Variants in VEGFC observed in about 807,000 individuals in gnomAD.
VEGFC encodes FLT4 ligand DHM.
A neutral mutation model predicts 46.1 loss-of-function variants in VEGFC; 12 were observed. That is an observed-to-expected ratio of 0.26 (90% CI 0.17 to 0.42). The LOEUF (loss-of-function observed/expected upper bound fraction) is 0.42. Among genes scored for constraint, VEGFC ranks in the 10% least tolerant of loss-of-function variants. VEGFC has a pLI of 1.00. For missense variants in VEGFC, 488 were observed against 529.4 expected (o/e 0.92, Z 0.77); for synonymous variants, 232 against 195.5 (o/e 1.19, Z -1.56).
intron 1 of VEGFC, among the ~76,000 whole-genome samples, chr4:176,739,514 T>C (rs973819468): frequency 6.6e-6 from 1 of 151,916 alleles, no homozygotes; most frequent in African/African-American, 2.4e-5. Context: ...ACACTGCATG[T>C]TCTCACTTAT....
intron 1 of VEGFC, among the ~76,000 whole-genome samples, chr4:176,735,365 A>C (rs1350139564): frequency 1.3e-5 from 2 of 151,868 alleles, no homozygotes; most frequent in Non-Finnish European, 2.9e-5. Flanking sequence ...GTGTATTTTT[A>C]TTTTAACAAT....
At chr4:176,702,529 G>C (rs151105472) in intron 4 of VEGFC, among the ~76,000 whole-genome samples, 2,216 of 152,152 alleles carry the variant, frequency 0.015, 29 homozygotes, top group Middle Eastern at 0.037. Flanking sequence ...CTACAGAATA[G>C]GTGAAATTCC....
chr4:176,770,179 G>T (rs1423644758), intron 1 of VEGFC, among the ~76,000 whole-genome samples: 3 of 152,218 alleles, frequency 2.0e-5, no homozygotes, highest in Admixed American at 2.0e-4. Flanking sequence ...TCATTAGGCA[G>T]AAAATATTTA....
At chr4:176,714,132 C>T (rs920221277) in intron 3 of VEGFC, among the ~76,000 whole-genome samples, 3 of 152,184 alleles carry the variant, frequency 2.0e-5, no homozygotes, top group Admixed American at 2.0e-4. Flanking sequence ...TCCTCCAAAT[C>T]TCATGTTGAA....
intron 3 of VEGFC, among the ~76,000 whole-genome samples, chr4:176,722,559 G>A (rs1019542971): frequency 2.0e-5 from 3 of 148,352 alleles, no homozygotes; most frequent in Non-Finnish European, 4.4e-5. Context: ...GCAGTGCTGC[G>A]ATCTTTACTC....
chr4:176,687,233 G>A lies in VEGFC; in HGVS notation c.1099C>T (p.Gln367Ter). Residue 367 changes from glutamine (Q) to a stop codon, truncating the protein, a stop_gained, in exon 6 of 7, where the codon CAG becomes TAG. Coordinates refer to ENST00000618562, the MANE Select transcript of VEGFC (RefSeq NM_005429.5). LOFTEE classifies it high-confidence loss of function. Reference protein sequence around the residue: ...KCACECTESPQKCLLKGKKFH... With the variant: ...KCACECTESP The stretch of plus-strand genomic sequence containing the variant: ...TTCTTTCCTTTTAACAAGCATTTCT[G>A]TGGACTTTCTGTACATTCACAGGCA... 6.2e-7 allele frequency: 1 copy of A among 1,614,020 alleles called. No homozygotes were observed. The highest frequency in any genetic ancestry group is 8.5e-7 in the Non-Finnish European group (1 of 1,179,998).
chr4:176,781,529 G>T (rs1468368665), intron 1 of VEGFC, among the ~76,000 whole-genome samples: 5 of 152,184 alleles, frequency 3.3e-5, no homozygotes, highest in African/African-American at 1.2e-4. Context: ...ATATCAACTA[G>T]CTACTTCCAA....
chr4:176,702,924 A>T (rs1215526559), intron 4 of VEGFC, among the ~76,000 whole-genome samples: 13 of 152,172 alleles, frequency 8.5e-5, no homozygotes, highest in Admixed American at 8.5e-4. Flanking sequence ...TATATCTGTA[A>T]AACATAATGT....
At chr4:176,786,181 G>C (rs769267819) in intron 1 of VEGFC, among the ~76,000 whole-genome samples, 2 of 152,128 alleles carry the variant, frequency 1.3e-5, no homozygotes, top group Non-Finnish European at 2.9e-5. Flanking sequence ...AACAATGCCA[G>C]GTTAAGCTCC....
intron 2 of VEGFC, among the ~76,000 whole-genome samples, chr4:176,729,271 A>C (rs1021197553): frequency 2.0e-5 from 3 of 152,208 alleles, no homozygotes; most frequent in African/African-American, 7.2e-5. Flanking sequence ...CTGTTTTAAA[A>C]ATTTTCCAAT....
chr4:176,694,137 T>G (rs955098526), intron 4 of VEGFC, among the ~76,000 whole-genome samples: 10 of 151,544 alleles, frequency 6.6e-5, no homozygotes, highest in African/African-American at 1.9e-4. Flanking sequence ...CAATATTAAC[T>G]TTAAATGTCA....
At chr4:176,684,894 T>A (rs1345751328) in intron 6 of VEGFC, among the ~76,000 whole-genome samples, 1 of 152,082 alleles carries the variant, frequency 6.6e-6, no homozygotes, top group Non-Finnish European at 1.5e-5. Flanking sequence ...CCTGGCTAAG[T>A]TTCTGTATTT....
chr4:176,732,529 A>T (rs1734985211), intron 1 of VEGFC, among the ~76,000 whole-genome samples: 1 of 151,912 alleles, frequency 6.6e-6, no homozygotes, highest in Non-Finnish European at 1.5e-5. Flanking sequence ...GGGGAGCCAG[A>T]TAATATCAAT....
At position 176,698,547 on chromosome 4, in the gene VEGFC, C is replaced by G. The variant is rs974920315; in HGVS notation, c.705-10620G>C. Among the ~76,000 whole-genome samples the G allele has an allele frequency of 5.9e-5, 9 of 152,004 alleles. No individual in the cohort carries two copies. The East Asian group carries it at 1.7e-3, about 29-fold the overall frequency. ...TACACTGTGAAATGATTACCAAAAT[C>G]AAGCTAATTAACATATCCACACCTC... On this transcript the variant is annotated intron_variant, in intron 4 of 6. Coordinates refer to ENST00000618562, the MANE Select transcript of VEGFC (RefSeq NM_005429.5).
intron 1 of VEGFC, among the ~76,000 whole-genome samples, chr4:176,777,686 C>T (rs770336139): frequency 1.3e-5 from 2 of 151,960 alleles, no homozygotes; most frequent in Admixed American, 6.6e-5. Context: ...CTTTGGGAGG[C>T]CGAGGCAGGC....
chr4:176,750,305 A>G (rs1735320732), intron 1 of VEGFC, among the ~76,000 whole-genome samples: 1 of 151,808 alleles, frequency 6.6e-6, no homozygotes, highest in African/African-American at 2.4e-5. Flanking sequence ...CTCACATATT[A>G]GTGATAATCA....
chr4:176,752,064 T>C (rs1735351403), intron 1 of VEGFC, among the ~76,000 whole-genome samples: 1 of 152,070 alleles, frequency 6.6e-6, no homozygotes, highest in East Asian at 1.9e-4. Flanking sequence ...AAATTCAGTA[T>C]ACAAGTCTTA....
chr4:176,733,925 T>A (rs1307546488), intron 1 of VEGFC, among the ~76,000 whole-genome samples: 1 of 151,868 alleles, frequency 6.6e-6, no homozygotes, highest in East Asian at 1.9e-4. Flanking sequence ...TTTAAAAAAA[T>A]AATTTTGCTT....
chr4:176,748,394 A>C (rs1735291564), intron 1 of VEGFC, among the ~76,000 whole-genome samples: 1 of 152,086 alleles, frequency 6.6e-6, no homozygotes, highest in African/African-American at 2.4e-5. Context: ...TTAAAGTTTC[A>C]GTTTCTTCAA....
Sources: allele counts gnomAD v4.1 joint callset (sites outside exome capture counted in the v4.1 genomes callset), GRCh38; gene constraint gnomAD v4.1.1; transcripts MANE v1.5; gene names NCBI Gene and HGNC (gene_info 2026-07-23, HGNC 2026-07-21).